KREMEN1: variants seen among roughly 807,000 people sequenced by gnomAD.
The protein encoded by KREMEN1 is kringle containing transmembrane protein 1.
Under a neutral mutation model 46.5 loss-of-function variants are expected in KREMEN1, and 30 were observed. The ratio of observed to expected loss-of-function variants is 0.65; its 90% CI spans 0.48 to 0.88. The LOEUF (loss-of-function observed/expected upper bound fraction) is 0.88. Among genes scored for constraint, KREMEN1 ranks in the 40% least tolerant of loss-of-function variants. The pLI is 0.00. For synonymous variants in KREMEN1, 214 were observed against 230.6 expected (o/e 0.93, Z 0.65); for missense variants, 533 against 596.9 (o/e 0.89, Z 1.11).
chr22:29,114,219 C>T (rs558256157), intron 3 of KREMEN1, among the ~76,000 whole-genome samples: 1 of 152,204 alleles, frequency 6.6e-6, no homozygotes, highest in East Asian at 1.9e-4. Context: ...TGCAGTGGCT[C>T]ATGCCTGTAA....
intron 3 of KREMEN1, among the ~76,000 whole-genome samples, chr22:29,120,037 G>A (rs1464553809): frequency 1.4e-5 from 2 of 138,920 alleles, no homozygotes; most frequent in East Asian, 2.0e-4. Flanking sequence ...AGGGAGGAAG[G>A]AGAGGTGATG....
At chr22:29,127,372 T>C (rs2038461776) in intron 5 of KREMEN1, among the ~76,000 whole-genome samples, 1 of 152,164 alleles carries the variant, frequency 6.6e-6, no homozygotes, top group Non-Finnish European at 1.5e-5. Context: ...AAATGGAAAA[T>C]GAGTGTCCAC....
chr22:29,087,281 G>T (rs2037744424), intron 1 of KREMEN1, among the ~76,000 whole-genome samples: 1 of 152,030 alleles, frequency 6.6e-6, no homozygotes, highest in Non-Finnish European at 1.5e-5. Flanking sequence ...ATCAGTAGAA[G>T]TGCTAAGCGG....
At chr22:29,167,092 C>T in exon 10 of KREMEN1, 1 of 1,551,566 alleles carries the variant, frequency 6.4e-7, no homozygotes. Flanking sequence ...TCAGGGGCAG[C>T]CCAGAAGTAT....
downstream of KREMEN1, among the ~76,000 whole-genome samples, chr22:29,149,169 C>CTTTTTTTTTTTTTTTTT (rs557993177): frequency 6.9e-6 from 1 of 145,750 alleles, no homozygotes; most frequent in African/African-American, 2.6e-5. Flanking sequence ...ATAATGGCAC[C>CTTTTTTTTTTTTTTTTT]TTTTTTTTTT....
At position 29,137,457 on chromosome 22, in the gene KREMEN1, G is replaced by A. The variant is rs199636884; in HGVS notation, c.747G>A (p.Pro249=). The change falls in exon 6 of 9, where the codon CCG becomes CCA. Residue 249 remains proline, a synonymous_variant. Coordinates refer to ENST00000400335, the MANE Select transcript of KREMEN1 (RefSeq NM_001039570.3). ...TCTGCTACTGGACCATCCGGGTTCC[G>A]GGGGCCTCCCACATCCACTTCAGCT... ...GRVCYWTIRV[P]GASHIHFSFP... The A allele has an allele frequency of 8.5e-5, 136 of 1,603,766 alleles. No homozygotes were observed. Among genetic ancestry groups the A allele is most frequent in the South Asian group, 7.8e-4 (71 of 90,620 alleles).
chr22:29,107,453 C>T (rs2038079710), intron 3 of KREMEN1, among the ~76,000 whole-genome samples: 1 of 152,050 alleles, frequency 6.6e-6, no homozygotes. Flanking sequence ...AACTCCTGAC[C>T]TTGTGATTCG....
chr22:29,145,480 C>G lies in KREMEN1; in HGVS notation c.*3368C>G, dbSNP rs1374451312. ...CCCCGCTGGCGCCAGGCCCTGCCTTCTTGGTACCTGTGCCAACAGGAGAGC... is the reference window on the plus strand; with the variant it reads ...CCCCGCTGGCGCCAGGCCCTGCCTTGTTGGTACCTGTGCCAACAGGAGAGC... On this transcript the variant is annotated 3_prime_UTR_variant, in exon 9 of 9. Transcript: ENST00000400335. The G allele has an allele frequency of 2.0e-6, 2 of 985,508 alleles. No individual in the cohort carries two copies. Among genetic ancestry groups the G allele is most frequent in the Admixed American group, 6.1e-5 (1 of 16,270 alleles). The allele number at this position is 985,508 out of a possible 1,614,324, so 61.0% of individuals were successfully genotyped here.
intron 5 of KREMEN1, among the ~76,000 whole-genome samples, chr22:29,126,932 G>C (rs966172866): frequency 6.6e-6 from 1 of 152,140 alleles, no homozygotes; most frequent in Admixed American, 6.5e-5. Flanking sequence ...AATGATTAAC[G>C]AATCTTGCTA....
intron 1 of KREMEN1, among the ~76,000 whole-genome samples, chr22:29,079,587 C>T (rs2037623674): frequency 6.6e-6 from 1 of 152,228 alleles, no homozygotes; most frequent in Admixed American, 6.5e-5. Flanking sequence ...ACTTTGAGGG[C>T]TGGATTTCTT....
intron 9 of KREMEN1, chr22:29,154,306 A>C (rs2038942701): frequency 6.6e-6 from 1 of 152,220 alleles, no homozygotes; most frequent in Non-Finnish European, 1.5e-5. Context: ...ACCCCATTTA[A>C]TAAAGGTATC....
intron 3 of KREMEN1, among the ~76,000 whole-genome samples, chr22:29,100,202 G>A (rs1364961706): frequency 2.0e-5 from 3 of 150,224 alleles, no homozygotes; most frequent in Admixed American, 6.7e-5. Context: ...TGCAACCTCC[G>A]CCTCCTGGAT....
At chr22:29,158,395 G>C (rs995458469) in intron 9 of KREMEN1, among the ~76,000 whole-genome samples, 1 of 152,156 alleles carries the variant, frequency 6.6e-6, no homozygotes. Flanking sequence ...GGATGTAAGA[G>C]GGCACTGGGG....
intron 9 of KREMEN1, among the ~76,000 whole-genome samples, chr22:29,162,688 G>A (rs1411130406): frequency 6.6e-6 from 1 of 151,650 alleles, no homozygotes; most frequent in Non-Finnish European, 1.5e-5. Context: ...TTCCAGCCTG[G>A]GCAACAAGAG....
intron 3 of KREMEN1, among the ~76,000 whole-genome samples, chr22:29,101,155 A>G (rs134667): frequency 0.64 from 96,432 of 150,822 alleles, 32,155 homozygotes; most frequent in African/African-American, 0.83. Flanking sequence ...GGGAGGCTGA[A>G]CAGCAAGAAT....
In KREMEN1 at chr22:29,145,737, C is replaced by T. The variant is rs2038848378; in HGVS notation, c.*3625C>T. 3.0e-6 allele frequency: 3 copies of T among 985,542 alleles called. No individual in the cohort carries two copies. The highest frequency in any genetic ancestry group is 3.6e-6 in the Non-Finnish European group (3 of 829,994). The allele number at this position is 985,542 out of a possible 1,614,324, so 61.0% of individuals were successfully genotyped here. On this transcript the variant is annotated 3_prime_UTR_variant, in exon 9 of 9. Coordinates refer to ENST00000400335, the MANE Select transcript of KREMEN1 (RefSeq NM_001039570.3). ...CCCCCACGTCAGGACAGGCTTGAGG[C>T]CTCTCTGGGCGTGAGCGAGGAAACC...
Position 29,142,436 on chromosome 22 carries a change from G to C in KREMEN1, c.*324G>C, listed in dbSNP as rs1284326226. 1.9e-6 allele frequency: 2 copies of C among 1,060,460 alleles called. No individual in the cohort carries two copies. Among genetic ancestry groups the C allele is most frequent in the East Asian group, 1.3e-4 (2 of 15,060 alleles). The allele number at this position is 1,060,460 out of a possible 1,614,324, so 65.7% of individuals were successfully genotyped here. On this transcript the variant is annotated 3_prime_UTR_variant, in exon 9 of 9. Transcript: ENST00000400335. ...TGAGATGACAGAGGTGGTCATGGCT[G>C]GCACAGGGCTCAGGTACATTCTAGA...
chr22:29,168,198 G>A (rs1279860577), exon 10 of KREMEN1: 1 of 152,164 alleles, frequency 6.6e-6, no homozygotes, highest in Non-Finnish European at 1.5e-5. Flanking sequence ...AGTTGGGCAT[G>A]GTGGCACACA....
chr22:29,118,598 G>A (rs1328332922), intron 3 of KREMEN1, among the ~76,000 whole-genome samples: 1 of 152,164 alleles, frequency 6.6e-6, no homozygotes, highest in Non-Finnish European at 1.5e-5. Context: ...AGAGAGAGGG[G>A]GCTCTGGTCT....
Sources: allele counts gnomAD v4.1 joint callset (sites outside exome capture counted in the v4.1 genomes callset), GRCh38; gene constraint gnomAD v4.1.1; transcripts MANE v1.5; gene names NCBI Gene and HGNC (gene_info 2026-07-23, HGNC 2026-07-21).